HEG1: variants seen among roughly 807,000 people sequenced by gnomAD.
HEG1 encodes the protein protein HEG homolog 1.
Under a neutral mutation model 125.6 loss-of-function variants are expected in HEG1, and 56 were observed. That is an observed-to-expected ratio of 0.45 (90% CI 0.36 to 0.56). The LOEUF is 0.56. Among genes scored for constraint, HEG1 ranks in the 20% least tolerant of loss-of-function variants. The pLI is 0.00. For synonymous variants in HEG1, 644 were observed against 668.5 expected (o/e 0.96, Z 0.57); for missense variants, 1,523 against 1,670.0 (o/e 0.91, Z 1.53).
At chr3:125,006,899 T>G (rs1183568995) in intron 8 of HEG1, among the ~76,000 whole-genome samples, 1 of 152,182 alleles carries the variant, frequency 6.6e-6, no homozygotes, top group African/African-American at 2.4e-5. Context: ...AGACTCTCTG[T>G]ATAGAAATTC....
intron 3 of HEG1, among the ~76,000 whole-genome samples, chr3:125,023,721 T>C (rs1369004281): frequency 6.6e-6 from 1 of 152,226 alleles, no homozygotes; most frequent in East Asian, 1.9e-4. Context: ...TATTTAATAA[T>C]TGCCCTTCTT....
At chr3:125,024,041 A>G (rs77118182) in intron 3 of HEG1, among the ~76,000 whole-genome samples, 1,565 of 152,320 alleles carry the variant, frequency 0.01, 21 homozygotes, top group African/African-American at 0.034. Context: ...TACAAAGTGA[A>G]ATCACCACAA....
intron 2 of HEG1, 34 bp downstream of exon 2, chr3:125,029,161 A>C: frequency 6.3e-7 from 1 of 1,592,924 alleles, no homozygotes; most frequent in Non-Finnish European, 8.6e-7. Flanking sequence ...CTGGACACAC[A>C]TGCGTGAAAT....
chr3:125,052,996 G>A (rs1369466207), intron 1 of HEG1, among the ~76,000 whole-genome samples: 2 of 152,230 alleles, frequency 1.3e-5, no homozygotes, highest in African/African-American at 4.8e-5. Flanking sequence ...GCCAGGCCCT[G>A]ACTACCAGCA....
intron 5 of HEG1, among the ~76,000 whole-genome samples, chr3:125,016,527 AC>A (rs1331810602): frequency 1.3e-5 from 2 of 152,092 alleles, no homozygotes; most frequent in African/African-American, 4.8e-5. Flanking sequence ...AGAAGTCCTG[AC>A]CCCCACAGTA....
chr3:125,046,492 G>C (rs960719490), intron 1 of HEG1, among the ~76,000 whole-genome samples: 1 of 150,986 alleles, frequency 6.6e-6, no homozygotes, highest in Non-Finnish European at 1.5e-5. Context: ...GGCTGGTCTT[G>C]AATGCCTGGC....
intron 14 of HEG1, among the ~76,000 whole-genome samples, chr3:124,986,388 GCC>G (rs1251524757): frequency 2.6e-5 from 4 of 152,124 alleles, no homozygotes; most frequent in African/African-American, 9.7e-5. Context: ...GGCAGTCAGA[GCC>G]CTGCTATTTG....
chr3:124,990,198 A>G (rs1936806990), intron 14 of HEG1, among the ~76,000 whole-genome samples: 1 of 151,802 alleles, frequency 6.6e-6, no homozygotes, highest in Non-Finnish European at 1.5e-5. Flanking sequence ...CCCACACCCC[A>G]TGTCTGGTTA....
chr3:125,013,668 T>A lies in HEG1; in HGVS notation c.1911A>T (p.Thr637=), dbSNP rs752728331. 13 of 1,613,474 alleles carry A rather than the reference T, an allele frequency of 8.1e-6. No individual in the cohort carries two copies. The African/African-American group carries it at 1.6e-4, about 20-fold the overall frequency. The change falls in exon 6 of 17, where the codon ACA becomes ACT. Residue 637 remains threonine, a synonymous_variant. Transcript: ENST00000311127. ...VLHTSNLPSY[T]PTINMPNTSV... is the part of the protein sequence containing the mutation. Reference sequence around the variant, plus strand: ...AAGTGTTCGGCATATTAATGGTGGGTGTGTAGGACGGAAGGTTGGATGTAT... The same window carrying A: ...AAGTGTTCGGCATATTAATGGTGGGAGTGTAGGACGGAAGGTTGGATGTAT...
intron 3 of HEG1, among the ~76,000 whole-genome samples, chr3:125,022,723 G>T (rs1225264499): frequency 6.7e-6 from 1 of 148,364 alleles, no homozygotes; most frequent in Non-Finnish European, 1.5e-5. Context: ...AGAAAAGAAA[G>T]CATTATAGAT....
intron 5 of HEG1, among the ~76,000 whole-genome samples, chr3:125,016,930 T>G (rs1167009614): frequency 1.3e-5 from 2 of 152,186 alleles, no homozygotes. Flanking sequence ...AAATTGGACT[T>G]CTTCAAATTT....
intron 12 of HEG1, among the ~76,000 whole-genome samples, chr3:124,996,096 C>CTT (rs533453772): frequency 6.9e-6 from 1 of 144,900 alleles, no homozygotes; most frequent in Non-Finnish European, 1.5e-5. Flanking sequence ...CATTTGTTTT[C>CTT]TTTTTTTTTT....
Position 125,021,899 on chromosome 3 carries a change from G to T in HEG1, c.914-769C>A, listed in dbSNP as rs1053208055. On this transcript the variant is annotated intron_variant, in intron 3 of 16. Transcript: ENST00000311127. ...GCTTTAGAGACCAGCTCTCAAATCTGCATACTACTCCAATGGGCCCCTCAG... is the reference window on the plus strand; with the variant it reads ...GCTTTAGAGACCAGCTCTCAAATCTTCATACTACTCCAATGGGCCCCTCAG... Among the ~76,000 whole-genome samples, 3 of 152,304 alleles carry T rather than the reference G, an allele frequency of 2.0e-5. No individual in the cohort carries two copies. In the South Asian group the frequency reaches 6.2e-4, roughly 32 times the overall value.
Position 125,012,955 on chromosome 3 carries a change from G to A in HEG1, c.2624C>T (p.Thr875Ile), listed in dbSNP as rs1411358341. 1.1e-5 allele frequency: 17 copies of A among 1,613,960 alleles called. No homozygotes were observed. In the South Asian group the frequency reaches 1.5e-4, roughly 15 times the overall value. Residue 875 changes from threonine (T) to isoleucine (I), a missense_variant, in exon 6 of 17, where the codon ACT becomes ATT. Physicochemically the swap from Thr to Ile is moderately conservative, Grantham distance 89 (BLOSUM62 -1). Transcript: ENST00000311127. Reference sequence around the variant, plus strand: ...CAGCGAGAGCTGTTTTCCAGCTGTAGTCTGTACGGCTATAGGGCCAGTGAC... The same window carrying A: ...CAGCGAGAGCTGTTTTCCAGCTGTAATCTGTACGGCTATAGGGCCAGTGAC... ...SLVTGPIAVQ[T>I]TAGKQLSLTH... is the part of the protein sequence containing the mutation.
At chr3:124,987,612 C>A (rs1205496314) in intron 14 of HEG1, among the ~76,000 whole-genome samples, 2 of 136,890 alleles carry the variant, frequency 1.5e-5, no homozygotes, top group Non-Finnish European at 3.1e-5. Flanking sequence ...AAGCTCCGCC[C>A]CCCCAGGTTC....
At chr3:125,031,653 C>CCACA (rs139599713) in intron 1 of HEG1, among the ~76,000 whole-genome samples, 17 of 149,060 alleles carry the variant, frequency 1.1e-4, no homozygotes, top group East Asian at 8.0e-4. Context: ...TATCTAAATA[C>CCACA]CACACACACA....
rs746734858 is a variant in HEG1 at position 125,020,981 on chromosome 3, T to C, written c.1063A>G (p.Lys355Glu). ...GAGTCCTTGGGGAAGCCTTCTGTCT[T>C]GCTCACAGGTCCCAGACTGACCGTC... Reference protein sequence around the residue: ...SLTVSLGPVSKTEGFPKDSRI... With the variant: ...SLTVSLGPVSETEGFPKDSRI... Residue 355 changes from lysine (K) to glutamate (E), a missense_variant, in exon 4 of 17, where the codon AAG (lysine) becomes GAG (glutamate). Lys to Glu is a moderately conservative substitution (Grantham distance 56). Transcript: ENST00000311127. 9.3e-6 allele frequency: 15 copies of C among 1,613,852 alleles called. No homozygotes were observed. The East Asian group carries it at 2.9e-4, about 31-fold the overall frequency.
At position 125,031,184 on chromosome 3, in the gene HEG1, T is replaced by G. The variant is rs543308645; in HGVS notation, c.317-1696A>C. ...AGGTGCGTGGGATGCCCAAGTCACGTCCAAGAAAGCTGCCCTGTTACTCTG... is the reference window on the plus strand; with the variant it reads ...AGGTGCGTGGGATGCCCAAGTCACGGCCAAGAAAGCTGCCCTGTTACTCTG... On this transcript the variant is annotated intron_variant, in intron 1 of 16. Coordinates refer to ENST00000311127, the MANE Select transcript of HEG1 (RefSeq NM_020733.2). Among the ~76,000 whole-genome samples the G allele has an allele frequency of 7.9e-5, 12 of 152,196 alleles. No individual in the cohort carries two copies. In the East Asian group the frequency reaches 2.1e-3, roughly 27 times the overall value.
intron 3 of HEG1, among the ~76,000 whole-genome samples, chr3:125,026,120 G>C (rs1937410531): frequency 6.6e-6 from 1 of 152,146 alleles, no homozygotes. Context: ...TATGGTACGA[G>C]GATGAAAACA....
Sources: gnomAD v4.1 joint callset for allele counts (sites outside exome capture counted in the v4.1 genomes callset) on GRCh38, gnomAD v4.1.1 for gene constraint, MANE v1.5 for transcripts, NCBI Gene and HGNC (gene_info 2026-07-23, HGNC 2026-07-21) for gene names.